EXOC2: variants seen among roughly 807,000 people sequenced by gnomAD.
EXOC2 encodes the protein SEC5-like 1.
A neutral mutation model predicts 131.8 loss-of-function variants in EXOC2; 70 were observed. The ratio of observed to expected loss-of-function variants is 0.53; its 90% confidence interval spans 0.44 to 0.65. EXOC2 has a LOEUF of 0.65. Among genes scored for constraint, EXOC2 ranks in the 30% least tolerant of loss-of-function variants. The pLI is 0.00. For synonymous variants in EXOC2, 411 were observed against 398.4 expected (o/e 1.03, Z -0.38); for missense variants, 923 against 1,108.6 (o/e 0.83, Z 2.38).
chr6:564,758 T>A lies in EXOC2; in HGVS notation c.1510-56A>T, dbSNP rs1281580080. The A allele has an allele frequency of 3.8e-6, 6 of 1,573,692 alleles. 1 individual carries two copies. The highest frequency in any genetic ancestry group is 3.4e-4 in the Middle Eastern group (2 of 5,840). ...TCAAATGTGATTAATCGGGTTACAT[T>A]AACTAAAAGATGCTGCCTGGGCAGT... On this transcript the variant is annotated intron_variant, in intron 14 of 27. Coordinates refer to ENST00000230449, the MANE Select transcript of EXOC2 (RefSeq NM_018303.6).
In EXOC2 at chr6:619,495, A is replaced by G. The variant is rs147359494; in HGVS notation, c.471T>C (p.Ser157=). The G allele has an allele frequency of 2.5e-6, 4 of 1,614,110 alleles. No individual in the cohort carries two copies. Among genetic ancestry groups the G allele is most frequent in the Non-Finnish European group, 3.4e-6 (4 of 1,180,008 alleles). ...KDLEMLFHGM[S]ADFTSENFSA... is the part of the protein sequence containing the mutation. ...AGAAATTCTCACTTGTAAAATCAGC[A>G]CTCATTCCATGGAATAGCATTTCTA... is the stretch of plus-strand genomic sequence containing the variant. The change falls in exon 5 of 28, where the codon AGT becomes AGC. Residue 157 remains serine, a synonymous_variant. Coordinates refer to ENST00000230449, the MANE Select transcript of EXOC2 (RefSeq NM_018303.6).
intron 6 of EXOC2, among the ~76,000 whole-genome samples, chr6:617,354 C>T (rs1338429936): frequency 6.6e-6 from 1 of 152,218 alleles, no homozygotes; most frequent in Non-Finnish European, 1.5e-5. Context: ...ATCAGCCTTT[C>T]CAAAGTGAAC....
intron 3 of EXOC2, among the ~76,000 whole-genome samples, chr6:631,745 T>C (rs1019579780): frequency 4.6e-5 from 7 of 152,174 alleles, no homozygotes; most frequent in Non-Finnish European, 8.8e-5. Flanking sequence ...TGCTTTAGTT[T>C]CAGTTTAGTT....
At chr6:572,764 G>C in intron 12 of EXOC2, 120 bp from the exon 13 acceptor site, 2 of 1,270,148 alleles carry the variant, frequency 1.6e-6, no homozygotes, top group Non-Finnish European at 1.1e-6. Flanking sequence ...GGAATAGCCT[G>C]AGTCTGCGTG....
intron 23 of EXOC2, among the ~76,000 whole-genome samples, chr6:511,557 C>CCAACA (rs1336759780): frequency 6.6e-6 from 1 of 152,234 alleles, no homozygotes; most frequent in Non-Finnish European, 1.5e-5. Flanking sequence ...TGGCCTTGCA[C>CCAACA]CCTGTTGGGA....
chr6:551,586 G>A (rs1757146223), intron 21 of EXOC2, among the ~76,000 whole-genome samples: 1 of 152,180 alleles, frequency 6.6e-6, no homozygotes, highest in African/African-American at 2.4e-5. Context: ...AGAGGCACAA[G>A]AGCAGGACCA....
intron 13 of EXOC2, among the ~76,000 whole-genome samples, chr6:571,028 AC>A (rs1363674710): frequency 6.6e-6 from 1 of 152,234 alleles, no homozygotes; most frequent in Non-Finnish European, 1.5e-5. Context: ...ATGGTGACAC[AC>A]AGAAGCAGAG....
In EXOC2 at chr6:623,144, C is replaced by T. The variant is rs1435062683; in HGVS notation, c.423-3601G>A. On this transcript the variant is annotated intron_variant, in intron 4 of 27. Transcript: ENST00000230449. ...GCACTCCCAGCTCTTCAGCCATGAA[C>T]ATCCCGTGCACCACAGGCCGCTGGG... Among the ~76,000 whole-genome samples the T allele has an allele frequency of 2.0e-5, 3 of 152,362 alleles. No homozygotes were observed. The East Asian group carries it at 5.8e-4, about 29-fold the overall frequency.
intron 1 of EXOC2, among the ~76,000 whole-genome samples, chr6:652,888 A>G (rs1016739926): frequency 6.6e-6 from 1 of 152,206 alleles, no homozygotes; most frequent in African/African-American, 2.4e-5. Context: ...GCATCAAGCA[A>G]GCCTATCAGT....
chr6:531,852 C>A (rs1354441518), intron 23 of EXOC2, among the ~76,000 whole-genome samples: 2 of 152,204 alleles, frequency 1.3e-5, no homozygotes, highest in African/African-American at 2.4e-5. Flanking sequence ...TACAAAGAAA[C>A]AACTATTTGA....
Position 564,100 on chromosome 6 carries a change from A to G in EXOC2, c.1722T>C (p.Thr574=). 1 of 1,614,164 alleles carries G rather than the reference A, an allele frequency of 6.2e-7. No individual in the cohort carries two copies. Among genetic ancestry groups the G allele is most frequent in the Non-Finnish European group, 8.5e-7 (1 of 1,180,030 alleles). ...GGAGATCCAAGATGAGATCCTGGAT[A>G]GTCTGTAACAGGTCATTAGGAATTT... ...ALEIPNDLLQ[T]IQDLILDLRV... The change falls in exon 16 of 28, where the codon ACT becomes ACC. Residue 574 remains threonine (T), a synonymous_variant. Coordinates refer to ENST00000230449, the MANE Select transcript of EXOC2 (RefSeq NM_018303.6).
chr6:507,125 TAC>T (rs111658424), intron 23 of EXOC2, among the ~76,000 whole-genome samples: 15,292 of 42,760 alleles, frequency 0.36, 1,564 homozygotes, highest in Middle Eastern at 0.44. Context: ...ACTACACACA[TAC>T]ACACACACAT....
intron 1 of EXOC2, among the ~76,000 whole-genome samples, chr6:659,511 A>C (rs1242365692): frequency 6.6e-6 from 1 of 152,230 alleles, no homozygotes; most frequent in Admixed American, 6.5e-5. Context: ...CTCTTGCAGG[A>C]CCTGGGAGAC....
At chr6:607,050 C>T (rs963905464) in intron 7 of EXOC2, among the ~76,000 whole-genome samples, 1 of 152,170 alleles carries the variant, frequency 6.6e-6, no homozygotes, top group African/African-American at 2.4e-5. Flanking sequence ...GGCAGTGTGG[C>T]TGATCATCCA....
chr6:680,177 G>C (rs1189083276), intron 1 of EXOC2, among the ~76,000 whole-genome samples: 3 of 152,124 alleles, frequency 2.0e-5, no homozygotes, highest in Non-Finnish European at 4.4e-5. Flanking sequence ...TGTTGAGGGA[G>C]CTCTTTAAAG....
At chr6:553,745 T>A in intron 21 of EXOC2, 109 bp downstream of exon 21, 1 of 839,148 alleles carries the variant, frequency 1.2e-6, no homozygotes, top group South Asian at 1.5e-5. Context: ...CAGCACAGTG[T>A]CCTATACCAC....
intron 27 of EXOC2, among the ~76,000 whole-genome samples, 190 bp downstream of exon 27, chr6:488,789 A>T (rs926550180): frequency 4.6e-5 from 7 of 152,200 alleles, no homozygotes; most frequent in African/African-American, 1.7e-4. Context: ...TGTCACTCAG[A>T]AGACATGCAA....
At chr6:547,462 T>C (rs1311610851) in intron 22 of EXOC2, among the ~76,000 whole-genome samples, 1 of 152,190 alleles carries the variant, frequency 6.6e-6, no homozygotes, top group African/African-American at 2.4e-5. Flanking sequence ...AGAGAGGGAA[T>C]GAATAAGCCA....
chr6:538,266 A>AT (rs1416582793), intron 22 of EXOC2, among the ~76,000 whole-genome samples: 1 of 152,226 alleles, frequency 6.6e-6, no homozygotes, highest in Non-Finnish European at 1.5e-5. Context: ...AAGCAAATAC[A>AT]TAATAAATGC....
Sources: gnomAD v4.1 joint callset for allele counts (sites outside exome capture counted in the v4.1 genomes callset) on GRCh38, gnomAD v4.1.1 for gene constraint, MANE v1.5 for transcripts, NCBI Gene and HGNC (gene_info 2026-07-23, HGNC 2026-07-21) for gene names.